The following VWC2 variants were observed in gnomAD, a reference collection of about 807,000 sequenced individuals.
The protein encoded by VWC2 is brorin.
A neutral mutation model predicts 29.8 loss-of-function variants in VWC2; 14 were observed. That is an observed-to-expected ratio of 0.47 (90% CI 0.31 to 0.74). The LOEUF is 0.74. Among genes scored for constraint, VWC2 ranks in the 30% least tolerant of loss-of-function variants. The pLI is 0.05. For synonymous variants in VWC2, 213 were observed against 199.0 expected (o/e 1.07, Z -0.59); for missense variants, 457 against 459.8 (o/e 0.99, Z 0.05).
intron 3 of VWC2, among the ~76,000 whole-genome samples, chr7:49,826,594 T>C (rs1789398435): frequency 6.6e-6 from 1 of 152,202 alleles, no homozygotes; most frequent in Non-Finnish European, 1.5e-5. Flanking sequence ...TTAATCATTT[T>C]TGCTTAAAGA....
intron 3 of VWC2, among the ~76,000 whole-genome samples, chr7:49,841,922 A>C (rs574052745): frequency 4.6e-5 from 7 of 152,242 alleles, no homozygotes; most frequent in African/African-American, 1.4e-4. Context: ...ACTGCAGTGC[A>C]ATGGCGTGAT....
At chr7:49,801,249 C>T (rs148963598) in intron 2 of VWC2, among the ~76,000 whole-genome samples, 147 of 152,322 alleles carry the variant, frequency 9.7e-4, no homozygotes, top group African/African-American at 3.4e-3. Flanking sequence ...ACCTTACAAG[C>T]GGTATTTGTA....
intron 3 of VWC2, among the ~76,000 whole-genome samples, chr7:49,853,262 A>C (rs1052363061): frequency 6.6e-6 from 1 of 152,254 alleles, no homozygotes; most frequent in African/African-American, 2.4e-5. Flanking sequence ...AGACCCTATC[A>C]GGTATGACTG....
intron 2 of VWC2, among the ~76,000 whole-genome samples, chr7:49,799,630 AT>A (rs1788688524): frequency 6.6e-6 from 1 of 152,228 alleles, no homozygotes; most frequent in South Asian, 2.1e-4. Context: ...ATCAACTCTG[AT>A]TTTTTAGAAG....
intron 3 of VWC2, among the ~76,000 whole-genome samples, chr7:49,897,722 GAA>G (rs1014626166): frequency 6.6e-6 from 1 of 152,216 alleles, no homozygotes; most frequent in African/African-American, 2.4e-5. Flanking sequence ...ATTGGGTTAG[GAA>G]AATGTAAACT....
chr7:49,813,802 T>C lies in VWC2; in HGVS notation c.826+10962T>C, dbSNP rs545471422. ...CAAAAATACACTCTCTATCATCATA[T>C]ACAGCTAGTTAGTACAGGTTGGCAT... is the stretch of plus-strand genomic sequence containing the variant. On this transcript the variant is annotated intron_variant, in intron 3 of 3. Coordinates refer to ENST00000340652, the MANE Select transcript of VWC2 (RefSeq NM_198570.5). 6.6e-5 allele frequency among the ~76,000 whole-genome samples: 10 copies of C among 152,316 alleles called. No individual in the cohort carries two copies. In the South Asian group the frequency reaches 2.1e-3, roughly 32 times the overall value.
chr7:49,828,960 C>T (rs1373829592), intron 3 of VWC2, among the ~76,000 whole-genome samples: 2 of 152,166 alleles, frequency 1.3e-5, no homozygotes, highest in East Asian at 1.9e-4. Flanking sequence ...CCTGCTTGCT[C>T]TGCTCTACCA....
At chr7:49,811,937 A>C (rs1349384031) in intron 3 of VWC2, among the ~76,000 whole-genome samples, 1 of 152,248 alleles carries the variant, frequency 6.6e-6, no homozygotes, top group East Asian at 1.9e-4. Context: ...AATGTTCATT[A>C]ACCAGTGAAT....
chr7:49,822,410 G>A (rs1401890378), intron 3 of VWC2, among the ~76,000 whole-genome samples: 2 of 152,154 alleles, frequency 1.3e-5, no homozygotes, highest in South Asian at 2.1e-4. Flanking sequence ...GCTGGTGCTC[G>A]GCTTTGTCTC....
intron 3 of VWC2, among the ~76,000 whole-genome samples, chr7:49,867,205 G>A (rs1289101582): frequency 1.3e-5 from 2 of 152,164 alleles, no homozygotes; most frequent in African/African-American, 2.4e-5. Context: ...TAAAGAGATC[G>A]AAACTTTGTC....
intron 3 of VWC2, among the ~76,000 whole-genome samples, chr7:49,869,784 G>T (rs113200274): frequency 0.029 from 4,451 of 151,986 alleles, 178 homozygotes; most frequent in South Asian, 0.13. Context: ...GGATGTGCAC[G>T]GCCACAAACT....
At chr7:49,845,151 C>G (rs532486523) in intron 3 of VWC2, among the ~76,000 whole-genome samples, 2 of 152,148 alleles carry the variant, frequency 1.3e-5, no homozygotes, top group South Asian at 2.1e-4. Context: ...GAAGGGAGAG[C>G]ATCAGGAAGA....
At chr7:49,896,306 A>G (rs1782371845) in intron 3 of VWC2, among the ~76,000 whole-genome samples, 1 of 152,188 alleles carries the variant, frequency 6.6e-6, no homozygotes. Context: ...GCACCACTGC[A>G]CTCTACCCTG....
chr7:49,889,996 T>C (rs1306334324), intron 3 of VWC2, among the ~76,000 whole-genome samples: 1 of 152,142 alleles, frequency 6.6e-6, no homozygotes, highest in Admixed American at 6.5e-5. Flanking sequence ...TAATTCTAGG[T>C]TTCAGTTTTC....
chr7:49,871,729 A>G (rs1432959339), intron 3 of VWC2, among the ~76,000 whole-genome samples: 1 of 152,072 alleles, frequency 6.6e-6, no homozygotes, highest in Non-Finnish European at 1.5e-5. Context: ...GTAAGGAAAA[A>G]AATCAAAACA....
At chr7:49,777,340 G>A (rs1470434661) in intron 2 of VWC2, among the ~76,000 whole-genome samples, 1 of 152,172 alleles carries the variant, frequency 6.6e-6, no homozygotes, top group Non-Finnish European at 1.5e-5. Context: ...ACTGACTTGT[G>A]GCAATGAATT....
intron 3 of VWC2, among the ~76,000 whole-genome samples, chr7:49,867,642 T>A (rs1317885772): frequency 6.6e-6 from 1 of 152,176 alleles, no homozygotes; most frequent in African/African-American, 2.4e-5. Context: ...CCTCCTGAAC[T>A]CTAGCACCTG....
At chr7:49,796,588 G>A (rs1198904014) in intron 2 of VWC2, among the ~76,000 whole-genome samples, 2 of 152,190 alleles carry the variant, frequency 1.3e-5, no homozygotes, top group African/African-American at 4.8e-5. Flanking sequence ...TAGATGGTGA[G>A]GGTTGCTGCT....
At chr7:49,908,671 TCTCCACCAAAAG>T (rs1460108624) in intron 3 of VWC2, among the ~76,000 whole-genome samples, 3 of 151,892 alleles carry the variant, frequency 2.0e-5, no homozygotes, top group Non-Finnish European at 4.4e-5. Flanking sequence ...CTAAATATAT[TCTCCACCAAAAG>T]GAAGAGAGAA....
Sources: gnomAD v4.1 joint callset for allele counts (sites outside exome capture counted in the v4.1 genomes callset) on GRCh38, gnomAD v4.1.1 for gene constraint, MANE v1.5 for transcripts, NCBI Gene and HGNC (gene_info 2026-07-23, HGNC 2026-07-21) for gene names.